The following VWC2 variants were observed in gnomAD, a reference collection of about 807,000 sequenced individuals.
VWC2 encodes von Willebrand factor C domain containing 2, also known as brorin.
VWC2 carries 14 observed loss-of-function variants against 29.8 expected under a neutral mutation model. The observed-to-expected ratio is 0.47, with a 90% CI of 0.31 to 0.74. The LOEUF is 0.74. VWC2 is among the 30% of genes least tolerant of loss of function. The pLI, the probability that VWC2 is intolerant of heterozygous loss-of-function variation, is 0.05. For synonymous variants in VWC2, 213 were observed against 199.0 expected (o/e 1.07, Z -0.59); for missense variants, 457 against 459.8 (o/e 0.99, Z 0.05).
chr7:49,826,614 A>G (rs1436423886), intron 3 of VWC2, among the ~76,000 whole-genome samples: 1 of 152,230 alleles, frequency 6.6e-6, no homozygotes, highest in African/African-American at 2.4e-5. Context: ...AAGAAATCAT[A>G]CTAAAATTAT....
intron 3 of VWC2, among the ~76,000 whole-genome samples, chr7:49,898,272 A>G (rs1211268361): frequency 6.6e-6 from 1 of 152,078 alleles, no homozygotes; most frequent in East Asian, 1.9e-4. Flanking sequence ...TGCTGTTATT[A>G]TGAACTGTTA....
intron 3 of VWC2, among the ~76,000 whole-genome samples, chr7:49,902,731 T>C (rs987926396): frequency 1.6e-4 from 24 of 151,974 alleles, no homozygotes; most frequent in Admixed American, 1.4e-3. Flanking sequence ...AAAAGCAGGA[T>C]CCATAAGATA....
intron 2 of VWC2, among the ~76,000 whole-genome samples, chr7:49,798,554 G>A (rs1788653644): frequency 6.6e-6 from 1 of 152,186 alleles, no homozygotes. Flanking sequence ...CTGCTTTTAT[G>A]AGTGTACAGT....
intron 3 of VWC2, among the ~76,000 whole-genome samples, chr7:49,868,636 T>G (rs1180532133): frequency 1.3e-5 from 2 of 152,194 alleles, no homozygotes; most frequent in Non-Finnish European, 2.9e-5. Flanking sequence ...GTTTTGTTTT[T>G]AGATGAAGTC....
In VWC2 at chr7:49,920,091, A is replaced by G. The variant is rs1442082849; in HGVS notation, c.*7906A>G. 6.6e-6 allele frequency: 1 copy of G among 152,154 alleles called. No homozygotes were observed. The highest frequency in any genetic ancestry group is 1.5e-5 in the Non-Finnish European group (1 of 68,012). The allele number at this position is 152,154 out of a possible 1,614,324, so 9.4% of individuals were successfully genotyped here. On this transcript the variant is annotated 3_prime_UTR_variant, in exon 4 of 4. Coordinates refer to ENST00000340652, the MANE Select transcript of VWC2 (RefSeq NM_198570.5). ...TACATTTCAGAGGACAAATCATGTT[A>G]TTATAATAACCAGGAGAGAAAATAA...
At chr7:49,841,808 G>A (rs1583664056) in intron 3 of VWC2, among the ~76,000 whole-genome samples, 1 of 152,118 alleles carries the variant, frequency 6.6e-6, no homozygotes, top group Non-Finnish European at 1.5e-5. Flanking sequence ...CATGACCAAA[G>A]CAATTGTTTA....
intron 3 of VWC2, among the ~76,000 whole-genome samples, chr7:49,858,015 G>T (rs1037249419): frequency 4.6e-5 from 7 of 152,084 alleles, no homozygotes; most frequent in Non-Finnish European, 8.8e-5. Flanking sequence ...CTGTAACCTC[G>T]TGTCAATGAA....
intron 3 of VWC2, among the ~76,000 whole-genome samples, chr7:49,858,002 C>T (rs77152891): frequency 6.6e-6 from 1 of 152,088 alleles, no homozygotes; most frequent in Non-Finnish European, 1.5e-5. Flanking sequence ...TTATAGAGTT[C>T]CCCTGTAACC....
chr7:49,844,996 C>T (rs1022300811), intron 3 of VWC2, among the ~76,000 whole-genome samples: 11 of 152,178 alleles, frequency 7.2e-5, no homozygotes, highest in African/African-American at 2.4e-4. Flanking sequence ...AATTCACTTT[C>T]GTCCTCATTT....
chr7:49,792,208 C>A (rs1356725439), intron 2 of VWC2, among the ~76,000 whole-genome samples: 2 of 152,206 alleles, frequency 1.3e-5, no homozygotes, highest in African/African-American at 4.8e-5. Context: ...TGGATACCAG[C>A]GGACGACTGT....
rs1225431180 is a variant in VWC2 at position 49,920,098 on chromosome 7, T to A, written c.*7913T>A. The A allele has an allele frequency of 6.6e-6, 1 of 151,936 alleles. No individual in the cohort carries two copies. Among genetic ancestry groups the A allele is most frequent in the East Asian group, 1.9e-4 (1 of 5,192 alleles). The allele number at this position is 151,936 out of a possible 1,614,324, so 9.4% of individuals were successfully genotyped here. A position where few individuals can be genotyped will look rare whatever the true frequency, so the allele number is the denominator to read the frequency against. On this transcript the variant is annotated 3_prime_UTR_variant, in exon 4 of 4. Transcript: ENST00000340652. ...CAGAGGACAAATCATGTTATTATAA[T>A]AACCAGGAGAGAAAATAAAAGGAGA...
At chr7:49,795,422 T>C (rs1268908336) in intron 2 of VWC2, among the ~76,000 whole-genome samples, 3 of 152,146 alleles carry the variant, frequency 2.0e-5, no homozygotes, top group Non-Finnish European at 4.4e-5. Flanking sequence ...ACCTTGAAGG[T>C]CGCTTTCTGA....
At position 49,802,713 on chromosome 7, in the gene VWC2, G is replaced by A. The variant is rs781340724; in HGVS notation, c.699G>A (p.Val233=). The change falls in exon 3 of 4, where the codon GTG becomes GTA. Residue 233 remains valine (V), a splice_region_variant and synonymous_variant. Coordinates refer to ENST00000340652, the MANE Select transcript of VWC2 (RefSeq NM_198570.5). ...CTGATTGTGGGCTTGTGTTTCAGGT[G>A]TCTCCATGCGAGAGGTGTCGCTGTG... ...KTYQTLEEFV[V]SPCERCRCEA... is the part of the protein sequence containing the mutation. 6.2e-7 allele frequency: 1 copy of A among 1,614,206 alleles called. No individual in the cohort carries two copies. The highest frequency in any genetic ancestry group is 1.3e-5 in the African/African-American group (1 of 75,074).
chr7:49,779,175 C>T (rs376438214), intron 2 of VWC2, among the ~76,000 whole-genome samples: 27 of 152,284 alleles, frequency 1.8e-4, no homozygotes, highest in African/African-American at 5.5e-4. Context: ...TATTTGGCTC[C>T]GGCAGGAGTG....
intron 3 of VWC2, among the ~76,000 whole-genome samples, chr7:49,884,311 T>C (rs145305552): frequency 1.3e-5 from 2 of 152,336 alleles, no homozygotes; most frequent in African/African-American, 4.8e-5. Context: ...GGCCATAGCA[T>C]GGAGAGCCAA....
At chr7:49,859,783 CGT>C (rs1414030608) in intron 3 of VWC2, among the ~76,000 whole-genome samples, 9 of 100,482 alleles carry the variant, frequency 9.0e-5, no homozygotes, top group African/African-American at 3.5e-4. Flanking sequence ...TTACAGTGCG[CGT>C]GCGTGCACAC....
rs550808389 is a variant in VWC2, at chr7:49,866,676, C to T, written c.827-45358C>T. ...ACATCTATCACAGGTGCCTCATTTG[C>T]AGGATTGTGGTGCATTACTAGAAAG... On this transcript the variant is annotated intron_variant, in intron 3 of 3. Transcript: ENST00000340652. Among the ~76,000 whole-genome samples the T allele has an allele frequency of 1.8e-4, 28 of 152,280 alleles. No homozygotes were observed. In the East Asian group the frequency reaches 1.9e-3, roughly 11 times the overall value.
At position 49,874,781 on chromosome 7, in the gene VWC2, G is replaced by A. The variant is rs140836263; in HGVS notation, c.827-37253G>A. Among the ~76,000 whole-genome samples the A allele has an allele frequency of 2.0e-4, 31 of 152,238 alleles. 2 individuals are homozygous for A. In the East Asian group the frequency reaches 6.0e-3, roughly 29 times the overall value. ...GGACTGTGAGGTGATGAGAGACCAG[G>A]AGCCTCACGTCTCACTTGTCTATCC... On this transcript the variant is annotated intron_variant, in intron 3 of 3. Transcript: ENST00000340652.
At chr7:49,911,257 G>A (rs1033809061) in intron 3 of VWC2, among the ~76,000 whole-genome samples, 4 of 152,022 alleles carry the variant, frequency 2.6e-5, no homozygotes, top group African/African-American at 9.7e-5. Flanking sequence ...GCCAAGGCGG[G>A]CAGATCACGA....
Sources: gnomAD v4.1 joint callset for allele counts (sites outside exome capture counted in the v4.1 genomes callset) on GRCh38, gnomAD v4.1.1 for gene constraint, MANE v1.5 for transcripts, NCBI Gene and HGNC (gene_info 2026-07-23, HGNC 2026-07-21) for gene names.